Variants in ZNF185 observed in about 807,000 individuals in gnomAD.
ZNF185 encodes the protein zinc finger protein 185 with LIM domain, also known as zinc finger protein 185.
In ZNF185, 56 loss-of-function variants were observed where a neutral mutation model predicts 58.6. The ratio of observed to expected loss-of-function variants is 0.95; its 90% CI spans 0.77 to 1.19. The LOEUF (loss-of-function observed/expected upper bound fraction) is 1.19, where lower values mean the gene tolerates loss of function less well. ZNF185 is among the 50% of genes most tolerant of loss of function. ZNF185 has a pLI of 0.00. For missense variants in ZNF185, 627 were observed against 573.5 expected (o/e 1.09, Z -0.95); for synonymous variants, 230 against 215.9 (o/e 1.07, Z -0.57).
At chrX:152,932,747 T>A (rs1286612890) in intron 13 of ZNF185, 126 bp from the exon 15 acceptor site, 1 of 491,439 alleles carries the variant, frequency 2.0e-6, no homozygotes, top group Non-Finnish European at 3.5e-6. Context: ...TCAGCTCTGG[T>A]CAGAGCAGCA....
chrX:152,967,887 C>T (rs1462568241), intron 20 of ZNF185, among the ~76,000 whole-genome samples: 1 of 112,015 alleles, frequency 8.9e-6, no homozygotes, highest in Non-Finnish European at 1.9e-5. Flanking sequence ...AATAAATAGC[C>T]TTCAGTCCAC....
the ZNF185 span, among the ~76,000 whole-genome samples, chrX:152,899,396 A>T: frequency 3.5e-5 from 4 of 113,015 alleles, no homozygotes; most frequent in African/African-American, 6.4e-5. Flanking sequence ...CAAGACACAG[A>T]TGCACAGATG....
In ZNF185 at chrX:152,920,610, G is replaced by A. The variant is rs562282763; in HGVS notation, c.615-97G>A. The stretch of plus-strand genomic sequence containing the variant: ...ACCACCAGGGACAGTGAAGTGCCGG[G>A]AATGGAGAGGGCCCAGGACCCTCTG... On this transcript the variant is annotated intron_variant, in intron 8 of 22. Coordinates refer to ENST00000449285, the Ensembl canonical transcript of ZNF185. 1.4e-5 allele frequency: 15 copies of A among 1,096,439 alleles called. No homozygotes were observed. In the South Asian group the frequency reaches 2.3e-4, roughly 17 times the overall value. The allele number at this position is 1,096,439 out of a possible 1,213,427, so 90.4% of individuals were successfully genotyped here.
the ZNF185 span, among the ~76,000 whole-genome samples, chrX:152,900,803 C>T: frequency 8.9e-6 from 1 of 112,326 alleles, no homozygotes; most frequent in Non-Finnish European, 1.9e-5. Context: ...GAGAATGGCT[C>T]AGAGGTCAGC....
At chrX:152,957,672 A>G (rs2048991953) in intron 16 of ZNF185, among the ~76,000 whole-genome samples, 1 of 112,420 alleles carries the variant, frequency 8.9e-6, no homozygotes, top group Non-Finnish European at 1.9e-5. Context: ...GACCTGCAGC[A>G]AAGTTTGTCA....
intron 16 of ZNF185, among the ~76,000 whole-genome samples, chrX:152,953,703 C>CA (rs1395451052): frequency 9.0e-6 from 1 of 111,152 alleles, no homozygotes; most frequent in African/African-American, 3.3e-5. Flanking sequence ...GTCTCAAAAA[C>CA]AAAAAACAAA....
At chrX:152,918,423 G>C (rs1556867548) in intron 6 of ZNF185, among the ~76,000 whole-genome samples, 2 of 113,012 alleles carry the variant, frequency 1.8e-5, no homozygotes, top group Non-Finnish European at 3.7e-5. Flanking sequence ...CACGGATCTG[G>C]GGAAAGGGTC....
intron 17 of ZNF185, 190 bp downstream of exon 19, chrX:152,960,086 C>A: frequency 2.4e-6 from 1 of 410,003 alleles, no homozygotes. Context: ...CAGCTTGGAG[C>A]CATAGCATCA....
At chrX:152,903,096 T>C in the ZNF185 span, among the ~76,000 whole-genome samples, 2 of 108,266 alleles carry the variant, frequency 1.8e-5, no homozygotes, top group East Asian at 5.8e-4. Context: ...CGAAAGAGGG[T>C]AAAAGAAAGT....
chrX:152,914,323 G>C, upstream of ZNF185: 2 of 469,864 alleles, frequency 4.3e-6, no homozygotes, highest in Non-Finnish European at 7.1e-6. Context: ...CTCCACCAAC[G>C]CTTGCCACCC....
chrX:152,942,111 G>T (rs782140817), intron 15 of ZNF185, among the ~76,000 whole-genome samples: 7 of 112,665 alleles, frequency 6.2e-5, no homozygotes, highest in Non-Finnish European at 1.3e-4. Flanking sequence ...GCAGTGAGGA[G>T]GGGCTTCGTT....
intron 15 of ZNF185, among the ~76,000 whole-genome samples, chrX:152,944,823 GAA>G (rs371609256): frequency 9.9e-6 from 1 of 101,114 alleles, no homozygotes. Context: ...TGTCTCTACA[GAA>G]AAAAAAAAAA....
chrX:152,915,010 G>A, intron 2 of ZNF185, 128 bp from the exon 4 acceptor site: 1 of 1,010,051 alleles, frequency 9.9e-7, no homozygotes, highest in South Asian at 2.3e-5. Context: ...GAGCCCCTGG[G>A]TGCCTGGGAA....
the ZNF185 span, among the ~76,000 whole-genome samples, chrX:152,901,280 C>T: frequency 3.0e-5 from 3 of 101,430 alleles, no homozygotes; most frequent in East Asian, 9.1e-4. Flanking sequence ...CTCGCCTTGT[C>T]ACCCAGGCTG....
chrX:152,916,552 A>G (rs58174648), intron 3 of ZNF185, among the ~76,000 whole-genome samples: 1,275 of 111,829 alleles, frequency 0.011, 29 homozygotes, highest in African/African-American at 0.039. Flanking sequence ...ACTTCCACCA[A>G]GACTTGGGGT....
exon 23 of ZNF185, chrX:152,972,394 A>G (rs2050701570): frequency 9.0e-6 from 1 of 110,870 alleles, no homozygotes; most frequent in Non-Finnish European, 1.9e-5. Context: ...TAGGCTTGCA[A>G]AGAGCAGAAG....
chrX:152,898,355 C>T, the ZNF185 span, among the ~76,000 whole-genome samples: 2 of 112,530 alleles, frequency 1.8e-5, no homozygotes, highest in East Asian at 2.8e-4. Context: ...TAACCCTTAC[C>T]AGCTCCAAGC....
chrX:152,912,569 C>T (rs1396475595), upstream of ZNF185, among the ~76,000 whole-genome samples: 1 of 111,601 alleles, frequency 9.0e-6, no homozygotes, highest in Non-Finnish European at 1.9e-5. Flanking sequence ...GCTTGCCACG[C>T]TCATATGTGG....
At chrX:152,972,461 C>T (rs188007335) in exon 23 of ZNF185, 2 of 110,114 alleles carry the variant, frequency 1.8e-5, no homozygotes, top group Admixed American at 1.9e-4. Flanking sequence ...TCCCCCCCCC[C>T]ATGAAGTACT....
Sources: allele counts gnomAD v4.1 joint callset (sites outside exome capture counted in the v4.1 genomes callset), GRCh38; gene constraint gnomAD v4.1.1; transcripts MANE v1.5; gene names NCBI Gene and HGNC (gene_info 2026-07-23, HGNC 2026-07-21).